The following IL2RA variants were observed in gnomAD, a reference collection of about 807,000 sequenced individuals.
IL2RA encodes interleukin-2 receptor subunit alpha.
In IL2RA, 24 loss-of-function variants were observed where a neutral mutation model predicts 37.8. That is an observed-to-expected ratio of 0.63 (90% CI 0.46 to 0.89). The LOEUF (loss-of-function observed/expected upper bound fraction) is 0.89, where lower values mean the gene tolerates loss of function less well. Ranked by LOEUF, IL2RA falls within the 40% of genes least tolerant of loss-of-function variation. IL2RA has a pLI of 0.00. For synonymous variants in IL2RA, 125 were observed against 114.6 expected (o/e 1.09, Z -0.58); for missense variants, 319 against 348.6 (o/e 0.92, Z 0.68).
At chr10:6,049,787 G>C (rs1384656362) in intron 1 of IL2RA, among the ~76,000 whole-genome samples, 1 of 152,200 alleles carries the variant, frequency 6.6e-6, no homozygotes, top group African/African-American at 2.4e-5. Context: ...ACAAGTTCAA[G>C]CTAGGATTTG....
At chr10:6,019,994 TCACTCC>T in intron 4 of IL2RA, 53 bp from the exon 5 acceptor site, 1 of 1,485,142 alleles carries the variant, frequency 6.7e-7, no homozygotes, top group Non-Finnish European at 9.4e-7. Context: ...AGTCAGGGCC[TCACTCC>T]CACCCCGCCT....
rs753853235 is a variant in IL2RA at position 6,024,340 on chromosome 10, T to C, written c.271A>G (p.Thr91Ala). Residue 91 changes from threonine to alanine, a missense_variant, in exon 3 of 8, where the codon ACG becomes GCG. By Grantham distance (58) the Thr-to-Ala change is moderately conservative. Transcript: ENST00000379959. ...QCTSSATRNT[T>A]KQVTPQPEEQ... ...TCAGGTTGAGGTGTCACTTGTTTCG[T>C]TGTGTTCCGAGTGGCTAGAAAATAT... 2 of 1,613,226 alleles carry C rather than the reference T, an allele frequency of 1.2e-6. No individual in the cohort carries two copies.
chr10:6,013,117 T>C (rs55698245), intron 7 of IL2RA, among the ~76,000 whole-genome samples: 12 of 152,180 alleles, frequency 7.9e-5, no homozygotes, highest in Admixed American at 5.2e-4. Context: ...TGTGAGCCAC[T>C]GTGCCTGGCC....
At position 6,033,332 on chromosome 10, in the gene IL2RA, A is replaced by C. The variant is rs200237443; in HGVS notation, c.65-7307T>G. On this transcript the variant is annotated intron_variant, in intron 1 of 7. Coordinates refer to ENST00000379959, the MANE Select transcript of IL2RA (RefSeq NM_000417.3). This position sits in a 1 kb window ranked among gnomAD's most constrained non-coding sequence, Gnocchi z 4.3. ...ACAAACAAACAACAACAAAAAAAAAACAAAAAAAGAAAGTATTTTTATTGA... is the reference window on the plus strand; with the variant it reads ...ACAAACAAACAACAACAAAAAAAAACCAAAAAAAGAAAGTATTTTTATTGA... 1.1e-4 allele frequency among the ~76,000 whole-genome samples: 17 copies of C among 151,046 alleles called. No homozygotes were observed. The highest frequency in any genetic ancestry group is 2.2e-4 in the Non-Finnish European group (15 of 67,754).
chr10:6,024,217 T>C (rs1357192600), intron 3 of IL2RA, 27 bp downstream of exon 3: 1 of 1,461,564 alleles, frequency 6.8e-7, no homozygotes, highest in East Asian at 2.3e-5. Context: ...TAGCAGGAGT[T>C]AGCTGGAGGA....
chr10:6,022,834 G>C lies in IL2RA; in HGVS notation c.368-1141C>G, dbSNP rs1428186088. Among the ~76,000 whole-genome samples the C allele has an allele frequency of 3.4e-5, 3 of 87,100 alleles. No individual in the cohort carries two copies. Among genetic ancestry groups the C allele is most frequent in the African/African-American group, 8.9e-5 (3 of 33,898 alleles). 57.1% of individuals were successfully genotyped at this position (87,100 alleles called of 152,430 possible). A position where few individuals can be genotyped will look rare whatever the true frequency, so the allele number is the denominator to read the frequency against. On this transcript the variant is annotated intron_variant, in intron 3 of 7. Transcript: ENST00000379959. The surrounding 1 kb of genome is among the most constrained non-coding windows in gnomAD (Gnocchi z 4.7). ...CTTCGAGAAAGGACAACAAGCATTG[G>C]CCTCTTTGAAGCCTTCCAATAACTG... is the stretch of plus-strand genomic sequence containing the variant.
Position 6,047,998 on chromosome 10 carries a change from G to C in IL2RA, c.64+14090C>G, listed in dbSNP as rs757083613. Among the ~76,000 whole-genome samples, 56 of 152,328 alleles carry C rather than the reference G, an allele frequency of 3.7e-4. No individual in the cohort carries two copies. Among genetic ancestry groups the C allele is most frequent in the Admixed American group, 7.2e-4 (11 of 15,302 alleles). On this transcript the variant is annotated intron_variant, in intron 1 of 7. Transcript: ENST00000379959. This position sits in a 1 kb window ranked among gnomAD's most constrained non-coding sequence, Gnocchi z 5.0. ...GCCCAGAGACACACAGCCCCTCAGT[G>C]GTGGAGCTAGGACTTGGACCCAGGC...
In IL2RA at chr10:6,054,083, C is replaced by T. The variant is rs1457910122; in HGVS notation, c.64+8005G>A. On this transcript the variant is annotated intron_variant, in intron 1 of 7. Coordinates refer to ENST00000379959, the MANE Select transcript of IL2RA (RefSeq NM_000417.3). The surrounding 1 kb of genome is among the most constrained non-coding windows in gnomAD (Gnocchi z 4.5). Reference sequence around the variant, plus strand: ...AGCACAGTGACCTTCCGGTCAACCCCACCCATGCCACCCACACTTTGTTGC... The same window carrying T: ...AGCACAGTGACCTTCCGGTCAACCCTACCCATGCCACCCACACTTTGTTGC... 6.6e-6 allele frequency among the ~76,000 whole-genome samples: 1 copy of T among 152,242 alleles called. No individual in the cohort carries two copies. The highest frequency in any genetic ancestry group is 1.9e-4 in the East Asian group (1 of 5,198).
chr10:6,024,473 T>C (rs1393441833), intron 2 of IL2RA, 119 bp from the exon 3 acceptor site: 3 of 761,742 alleles, frequency 3.9e-6, no homozygotes, highest in Non-Finnish European at 6.8e-6. Flanking sequence ...TGTCTGGTGG[T>C]GTCTGGCTGC....
In IL2RA at chr10:6,021,343, A is replaced by C. The variant is rs1839383754; in HGVS notation, c.583+135T>G. The C allele has an allele frequency of 1.9e-5, 15 of 788,030 alleles. No individual in the cohort carries two copies. In the South Asian group the frequency reaches 2.0e-4, roughly 10 times the overall value. The allele number at this position is 788,030 out of a possible 1,614,324, so 48.8% of individuals were successfully genotyped here. On this transcript the variant is annotated intron_variant, in intron 4 of 7. Coordinates refer to ENST00000379959, the MANE Select transcript of IL2RA (RefSeq NM_000417.3). The surrounding 1 kb of genome is among the most constrained non-coding windows in gnomAD (Gnocchi z 4.9). ...TTTTTTTTTTTTTCTCAGAATGAGAAAAAATGGAAGCCCAGGGAGATCAAG... is the reference window on the plus strand; with the variant it reads ...TTTTTTTTTTTTTCTCAGAATGAGACAAAATGGAAGCCCAGGGAGATCAAG...
intron 1 of IL2RA, among the ~76,000 whole-genome samples, chr10:6,043,868 T>TTAA (rs1839810108): frequency 6.6e-6 from 1 of 152,244 alleles, no homozygotes; most frequent in Non-Finnish European, 1.5e-5. Context: ...GGTTGAAATT[T>TTAA]TAATAATTTT....
chr10:6,017,938 C>T (rs1192709815), intron 7 of IL2RA, 115 bp downstream of exon 7: 2 of 805,468 alleles, frequency 2.5e-6, no homozygotes, highest in African/African-American at 1.7e-5. Context: ...CCCTTTGCCA[C>T]TCCCTGAACT....
intron 1 of IL2RA, among the ~76,000 whole-genome samples, chr10:6,040,417 T>C (rs1251965136): frequency 7.9e-5 from 12 of 152,230 alleles, no homozygotes; most frequent in Non-Finnish European, 2.9e-5. Flanking sequence ...GCATAGTCAA[T>C]TCTCTGATTG....
chr10:6,059,824 G>A (rs756228364), intron 1 of IL2RA, among the ~76,000 whole-genome samples: 4 of 152,040 alleles, frequency 2.6e-5, no homozygotes, highest in Admixed American at 6.5e-5. Flanking sequence ...ATAGCCCAAC[G>A]CTCCGTAGAT....
Position 6,018,722 on chromosome 10 carries a change from CTT to C in IL2RA, c.728-605_728-604del, listed in dbSNP as rs1346197594. Reference sequence around the variant, plus strand: ...AGGAGCTGATAGGGCTGACTTGAGACTTTGCTCACAGCATCCTGTAACTGGTT... The same window carrying C: ...AGGAGCTGATAGGGCTGACTTGAGACTGCTCACAGCATCCTGTAACTGGTT... On this transcript the variant is annotated intron_variant, in intron 6 of 7. Transcript: ENST00000379959. The surrounding 1 kb of genome is among the most constrained non-coding windows in gnomAD (Gnocchi z 5.1). Among the ~76,000 whole-genome samples, 2 of 152,308 alleles carry C rather than the reference CTT, an allele frequency of 1.3e-5. No homozygotes were observed. Among genetic ancestry groups the C allele is most frequent in the African/African-American group, 2.4e-5 (1 of 41,560 alleles).
rs72650659 is a variant in IL2RA, at chr10:6,062,244, C to A, written c.-93G>T. ...CGTCAGCCTCTTTTTGGCATCGCGC[C>A]GGAGGATGTGGGATGGGAAGATCGG... is the stretch of plus-strand genomic sequence containing the variant. On this transcript the variant is annotated 5_prime_UTR_variant, in exon 1 of 8. Coordinates refer to ENST00000379959, the MANE Select transcript of IL2RA (RefSeq NM_000417.3). 1 of 1,088,966 alleles carries A rather than the reference C, an allele frequency of 9.2e-7. No individual in the cohort carries two copies. The highest frequency in any genetic ancestry group is 1.4e-6 in the Non-Finnish European group (1 of 709,616). The allele number at this position is 1,088,966 out of a possible 1,614,324, so 67.5% of individuals were successfully genotyped here.
At position 6,018,793 on chromosome 10, in the gene IL2RA, C is replaced by T. The variant is rs1839322631; in HGVS notation, c.727+635G>A. 6.6e-6 allele frequency among the ~76,000 whole-genome samples: 1 copy of T among 152,154 alleles called. No individual in the cohort carries two copies. The highest frequency in any genetic ancestry group is 1.5e-5 in the Non-Finnish European group (1 of 68,012). ...CGTCAGTATCTGGATTAGTCTTTCA[C>T]TCACACATTCTGCAGTGTAAGGAAG... On this transcript the variant is annotated intron_variant, in intron 6 of 7. Coordinates refer to ENST00000379959, the MANE Select transcript of IL2RA (RefSeq NM_000417.3). The surrounding 1 kb of genome is among the most constrained non-coding windows in gnomAD (Gnocchi z 5.1).
At chr10:6,049,569 C>G (rs1839915270) in intron 1 of IL2RA, among the ~76,000 whole-genome samples, 2 of 152,198 alleles carry the variant, frequency 1.3e-5, no homozygotes. Context: ...CCTGCTTTCC[C>G]TGGAGGTCTC....
Position 6,047,318 on chromosome 10 carries a change from T to A in IL2RA, c.64+14770A>T, listed in dbSNP as rs1301543512. On this transcript the variant is annotated intron_variant, in intron 1 of 7. Transcript: ENST00000379959. The surrounding 1 kb of genome is among the most constrained non-coding windows in gnomAD (Gnocchi z 5.0). ...GTCAGGAGTGTGGCCTGTGCCACAC[T>A]CAGAACGCGGGATGAACATAGAGGA... 6.6e-6 allele frequency among the ~76,000 whole-genome samples: 1 copy of A among 152,126 alleles called. No individual in the cohort carries two copies. The highest frequency in any genetic ancestry group is 2.4e-5 in the African/African-American group (1 of 41,420).
Sources: gnomAD v4.1 joint callset for allele counts (sites outside exome capture counted in the v4.1 genomes callset) on GRCh38, gnomAD v4.1.1 for gene constraint, Gnocchi (gnomAD v3.1) non-coding constraint, MANE v1.5 for transcripts, NCBI Gene and HGNC (gene_info 2026-07-23, HGNC 2026-07-21) for gene names.